Variants in SEMA6D observed in about 807,000 individuals in gnomAD.
SEMA6D encodes semaphorin-6D.
SEMA6D carries 35 observed loss-of-function variants against 106.6 expected under a neutral mutation model. The observed-to-expected ratio is 0.33, with a 90% CI of 0.25 to 0.44. The LOEUF is 0.44. Ranked by LOEUF, SEMA6D falls within the 20% of genes least tolerant of loss-of-function variation. The pLI is 1.00. For missense variants in SEMA6D, 1,185 were observed against 1,345.9 expected, an observed-to-expected ratio of 0.88 and a Z score of 1.87; for synonymous variants, 499 against 487.7, an observed-to-expected ratio of 1.02 and a Z score of -0.31.
At chr15:47,399,780 G>T (rs528089616) in intron 1 of SEMA6D, among the ~76,000 whole-genome samples, 1 of 152,310 alleles carries the variant, frequency 6.6e-6, no homozygotes, top group African/African-American at 2.4e-5. Context: ...GTGGACTTGT[G>T]TGAGGATGAA....
chr15:47,369,350 T>G (rs1245742503), intron 1 of SEMA6D, among the ~76,000 whole-genome samples: 1 of 152,208 alleles, frequency 6.6e-6, no homozygotes, highest in Non-Finnish European at 1.5e-5. Context: ...GTTTGACACT[T>G]TCACAATCTA....
chr15:47,389,104 AC>A (rs934816334), intron 1 of SEMA6D, among the ~76,000 whole-genome samples: 2 of 152,216 alleles, frequency 1.3e-5, no homozygotes, highest in African/African-American at 4.8e-5. Context: ...TTCCACAGAC[AC>A]AGTGAATTCT....
At chr15:47,494,790 A>ATATATATATC (rs1596149084) in intron 3 of SEMA6D, among the ~76,000 whole-genome samples, 2 of 82,852 alleles carry the variant, frequency 2.4e-5, no homozygotes, top group African/African-American at 9.8e-5. Context: ...ATATATATAT[A>ATATATATATC]ATCTCCAGAT....
chr15:47,477,804 T>C (rs928631854), intron 3 of SEMA6D, among the ~76,000 whole-genome samples: 2 of 152,152 alleles, frequency 1.3e-5, no homozygotes, highest in Non-Finnish European at 2.9e-5. Flanking sequence ...GGATAAATTG[T>C]TTTTTGTACC....
intron 2 of SEMA6D, among the ~76,000 whole-genome samples, chr15:47,450,317 C>A (rs1262026891): frequency 1.3e-5 from 2 of 152,042 alleles, no homozygotes; most frequent in African/African-American, 4.8e-5. Context: ...CTATGATGTG[C>A]TAGATGATAC....
At chr15:47,223,075 T>C (rs2031347093) in intron 1 of SEMA6D, among the ~76,000 whole-genome samples, 2 of 152,172 alleles carry the variant, frequency 1.3e-5, no homozygotes, top group African/African-American at 4.8e-5. Context: ...TTCCATCTTA[T>C]ACTCCTGAGA....
upstream of SEMA6D, among the ~76,000 whole-genome samples, chr15:47,716,278 C>T (rs1027289399): frequency 6.6e-6 from 1 of 152,160 alleles, no homozygotes; most frequent in African/African-American, 2.4e-5. Context: ...AAATAGTTCT[C>T]CGGATGAGTC....
intron 1 of SEMA6D, among the ~76,000 whole-genome samples, chr15:47,728,635 G>A (rs2079918784): frequency 6.6e-6 from 1 of 152,226 alleles, no homozygotes; most frequent in African/African-American, 2.4e-5. Context: ...AAGCCACACA[G>A]ATGTATTATT....
At chr15:47,478,921 T>G (rs1482209675) in intron 3 of SEMA6D, among the ~76,000 whole-genome samples, 1 of 152,062 alleles carries the variant, frequency 6.6e-6, no homozygotes, top group African/African-American at 2.4e-5. Context: ...GCAGAGGAAC[T>G]ACCCTTTATA....
At chr15:47,313,679 C>A (rs546774938) in intron 1 of SEMA6D, among the ~76,000 whole-genome samples, 1 of 152,266 alleles carries the variant, frequency 6.6e-6, no homozygotes, top group South Asian at 2.1e-4. Context: ...GTCCTCCCAC[C>A]TCAGCCTTCC....
At chr15:47,304,524 A>C (rs1170597690) in intron 1 of SEMA6D, among the ~76,000 whole-genome samples, 1 of 151,856 alleles carries the variant, frequency 6.6e-6, no homozygotes, top group Non-Finnish European at 1.5e-5. Flanking sequence ...GAAAACAGAC[A>C]CAAAGAAATA....
intron 1 of SEMA6D, among the ~76,000 whole-genome samples, chr15:47,239,557 A>T (rs990769818): frequency 6.6e-6 from 1 of 152,176 alleles, no homozygotes; most frequent in African/African-American, 2.4e-5. Context: ...GGATTGAGAA[A>T]CATGAAGATC....
chr15:47,728,133 C>T (rs1401066071), intron 1 of SEMA6D, among the ~76,000 whole-genome samples: 1 of 152,222 alleles, frequency 6.6e-6, no homozygotes, highest in Non-Finnish European at 1.5e-5. Context: ...CATTTGGAAG[C>T]AGATGCCCTG....
chr15:47,207,993 G>GCGCGCGCGCACACACACA (rs1424944556), intron 1 of SEMA6D, among the ~76,000 whole-genome samples: 2 of 89,398 alleles, frequency 2.2e-5, no homozygotes, highest in African/African-American at 8.2e-5. Flanking sequence ...TGGCGCGCGC[G>GCGCGCGCGCACACACACA]CACACACACA....
At position 47,382,423 on chromosome 15, in the gene SEMA6D, C is replaced by T. The variant is rs144770328; in HGVS notation, c.-238-29970C>T. On this transcript the variant is annotated intron_variant, in intron 1 of 19. Transcript: ENST00000558014. ...TACTGCTGCTGAGGCAGCAGAATGA[C>T]GTGAACTCAGGAGGTGGAGGTTGCA... Among the ~76,000 whole-genome samples the T allele has an allele frequency of 4.4e-3, 662 of 152,150 alleles. 3 individuals are homozygous for T. The highest frequency in any genetic ancestry group is 9.0e-3 in the Admixed American group (138 of 15,294).
intron 3 of SEMA6D, among the ~76,000 whole-genome samples, chr15:47,555,039 C>G (rs1008840294): frequency 6.6e-6 from 1 of 152,074 alleles, no homozygotes; most frequent in Admixed American, 6.6e-5. Context: ...CCAAGCAGGC[C>G]CGCTTCAAAT....
chr15:47,294,240 C>CTCTCT (rs2035713654), intron 1 of SEMA6D, among the ~76,000 whole-genome samples: 1 of 148,176 alleles, frequency 6.7e-6, no homozygotes, highest in African/African-American at 2.5e-5. Context: ...CTCTCTCTCT[C>CTCTCT]TTTTTTTTTT....
chr15:47,273,859 A>G (rs981090987), intron 1 of SEMA6D, among the ~76,000 whole-genome samples: 3 of 152,108 alleles, frequency 2.0e-5, no homozygotes, highest in Non-Finnish European at 2.9e-5. Flanking sequence ...GTAATAATTG[A>G]CTGTCAGTGG....
At chr15:47,254,793 T>C (rs1275784122) in intron 1 of SEMA6D, among the ~76,000 whole-genome samples, 1 of 152,086 alleles carries the variant, frequency 6.6e-6, no homozygotes, top group Non-Finnish European at 1.5e-5. Context: ...ATAATCTTTT[T>C]AATGTGCTGT....
Sources: gnomAD v4.1 joint callset for allele counts (sites outside exome capture counted in the v4.1 genomes callset) on GRCh38, gnomAD v4.1.1 for gene constraint, MANE v1.5 for transcripts, NCBI Gene and HGNC (gene_info 2026-07-23, HGNC 2026-07-21) for gene names.